The following VWF variants were observed in gnomAD, a reference collection of about 807,000 sequenced individuals.
VWF encodes Factor VIII related antigen.
In VWF, 176 loss-of-function variants were observed where a neutral mutation model predicts 308.6. That is an observed-to-expected ratio of 0.57 (90% CI 0.50 to 0.65). The LOEUF (loss-of-function observed/expected upper bound fraction) is 0.65, where lower values mean the gene tolerates loss of function less well. Among genes scored for constraint, VWF ranks in the 30% least tolerant of loss-of-function variants. VWF has a pLI of 0.00. For synonymous variants in VWF, 1,385 were observed against 1,443.4 expected (o/e 0.96, Z 0.92); for missense variants, 3,146 against 3,648.2 (o/e 0.86, Z 3.55).
chr12:5,969,487 G>A, intron 44 of VWF, 96 bp from the exon 45 acceptor site: 1 of 1,470,368 alleles, frequency 6.8e-7, no homozygotes, highest in South Asian at 1.2e-5. Context: ...GTGGTTTCTA[G>A]ACGTGAAGCC....
intron 47 of VWF, among the ~76,000 whole-genome samples, chr12:5,965,467 G>T (rs1033574423): frequency 6.6e-6 from 1 of 152,254 alleles, no homozygotes; most frequent in Non-Finnish European, 1.5e-5. Context: ...TCCACTCAGG[G>T]TTGCCCTCCT....
At chr12:5,975,068 G>A (rs1591838313) in intron 43 of VWF, among the ~76,000 whole-genome samples, 1 of 152,194 alleles carries the variant, frequency 6.6e-6, no homozygotes, top group East Asian at 1.9e-4. Context: ...CCAAAACTTA[G>A]TGTTTCCCAC....
chr12:5,954,353 A>G lies in VWF; in HGVS notation c.7888-759T>C, dbSNP rs79898556. Among the ~76,000 whole-genome samples the G allele has an allele frequency of 7.5e-3, 1,145 of 152,358 alleles. 14 individuals carry two copies. Among genetic ancestry groups the G allele is most frequent in the Middle Eastern group, 0.021 (6 of 292 alleles). On this transcript the variant is annotated intron_variant, in intron 47 of 51. Transcript: ENST00000261405. ...ACTAACCTTCCTGCAGATGATGATTATAAACAATTAACGAAATATTTAAAG... is the reference window on the plus strand; with the variant it reads ...ACTAACCTTCCTGCAGATGATGATTGTAAACAATTAACGAAATATTTAAAG...
chr12:6,095,181 G>A, intron 6 of VWF: 2 of 439,156 alleles, frequency 4.6e-6, no homozygotes, highest in Non-Finnish European at 4.2e-6. Flanking sequence ...AACTATAAAA[G>A]ATAATTTATG....
At chr12:5,976,358 T>C in intron 42 of VWF, 98 bp from the exon 43 acceptor site, 1 of 1,517,718 alleles carries the variant, frequency 6.6e-7, no homozygotes, top group South Asian at 1.1e-5. Flanking sequence ...GTGCTGAGAA[T>C]GTGGCAATAA....
chr12:6,104,803 T>C (rs1167278816), intron 5 of VWF, among the ~76,000 whole-genome samples: 1 of 152,134 alleles, frequency 6.6e-6, no homozygotes, highest in East Asian at 1.9e-4. Flanking sequence ...CCTGCACTAG[T>C]ATATTTATTG....
chr12:6,084,487 AAAG>A (rs1264743381), intron 6 of VWF, among the ~76,000 whole-genome samples: 2 of 152,162 alleles, frequency 1.3e-5, no homozygotes, highest in African/African-American at 4.8e-5. Context: ...CCAGTTCATT[AAAG>A]AAGACCAGGC....
chr12:6,059,704 C>T lies in VWF; in HGVS notation c.1534-1660G>A, dbSNP rs113825826. ...AAGGCCCCACCTCGTAACACCATCA[C>T]CTTGGGGGTTAGGATTTCAACATAT... is the stretch of plus-strand genomic sequence containing the variant. On this transcript the variant is annotated intron_variant, in intron 13 of 51. Coordinates refer to ENST00000261405, the MANE Select transcript of VWF (RefSeq NM_000552.5). Among the ~76,000 whole-genome samples the T allele has an allele frequency of 2.8e-3, 429 of 152,280 alleles. 5 individuals are homozygous for T. The highest frequency in any genetic ancestry group is 9.0e-3 in the African/African-American group (376 of 41,570).
intron 47 of VWF, among the ~76,000 whole-genome samples, chr12:5,954,910 A>G (rs763168357): frequency 2.6e-5 from 4 of 152,218 alleles, no homozygotes; most frequent in East Asian, 1.9e-4. Flanking sequence ...TCTCAGGACT[A>G]AAATATTCAG....
intron 38 of VWF, 33 bp from the exon 39 acceptor site, chr12:5,985,698 G>T: frequency 6.3e-7 from 1 of 1,595,500 alleles, no homozygotes; most frequent in Non-Finnish European, 8.6e-7. Context: ...AAAGGGCACA[G>T]GACATTCTAG....
intron 40 of VWF, among the ~76,000 whole-genome samples, chr12:5,983,696 TAGAG>T (rs1943638929): frequency 6.6e-6 from 1 of 151,658 alleles, no homozygotes; most frequent in Admixed American, 6.6e-5. Flanking sequence ...ATAGGTTAGA[TAGAG>T]ATAGGATAGA....
intron 18 of VWF, among the ~76,000 whole-genome samples, chr12:6,037,573 C>T (rs1037179460): frequency 6.6e-6 from 1 of 152,162 alleles, no homozygotes; most frequent in African/African-American, 2.4e-5. Context: ...TCAGCCAAAC[C>T]CACTCTGAGC....
rs1944053246 is a variant in VWF at position 6,016,098 on chromosome 12, T to C, written c.5446A>G (p.Arg1816Gly). The C allele has an allele frequency of 6.2e-7, 1 of 1,614,044 alleles. No individual in the cohort carries two copies. Among genetic ancestry groups the C allele is most frequent in the Non-Finnish European group, 8.5e-7 (1 of 1,180,010 alleles). ...DSVDAAADAA[R>G]SNRVTVFPIG... Reference sequence around the variant, plus strand: ...TACACCAGATTCTTACTGTTGGACCTGGCGGCATCAGCTGCTGCATCCACT... The same window carrying C: ...TACACCAGATTCTTACTGTTGGACCCGGCGGCATCAGCTGCTGCATCCACT... The change falls in exon 31 of 52, where the codon AGG (arginine) becomes GGG (glycine). Residue 1816 changes from arginine to glycine, a missense_variant. Arg to Gly is a moderately radical substitution (Grantham distance 125). This residue lies in a region of VWF where 853 missense variants were observed against 1,177.8 expected (regional missense o/e 0.72). Coordinates refer to ENST00000261405, the MANE Select transcript of VWF (RefSeq NM_000552.5).
At chr12:5,987,536 T>C (rs980425709) in intron 38 of VWF, among the ~76,000 whole-genome samples, 4 of 152,326 alleles carry the variant, frequency 2.6e-5, no homozygotes, top group African/African-American at 9.6e-5. Flanking sequence ...TGGGCAGGTC[T>C]GAACACACCA....
At chr12:5,981,605 G>A (rs983986204) in intron 42 of VWF, among the ~76,000 whole-genome samples, 181 bp downstream of exon 42, 2 of 152,134 alleles carry the variant, frequency 1.3e-5, no homozygotes, top group Non-Finnish European at 2.9e-5. Context: ...GTAGCACTTG[G>A]TTTGGGCAAG....
At chr12:5,981,135 C>A (rs189378700) in intron 42 of VWF, among the ~76,000 whole-genome samples, 2 of 152,334 alleles carry the variant, frequency 1.3e-5, no homozygotes, top group Non-Finnish European at 2.9e-5. Flanking sequence ...TCTGTTAGAA[C>A]ATAGTAGTTG....
intron 37 of VWF, among the ~76,000 whole-genome samples, chr12:5,993,419 C>T (rs1843712373): frequency 6.6e-6 from 1 of 152,114 alleles, no homozygotes; most frequent in African/African-American, 2.4e-5. Context: ...AAATCCTGCT[C>T]AGGCATGGAC....
chr12:5,969,500 G>A, intron 44 of VWF, 109 bp from the exon 45 acceptor site: 2 of 1,346,580 alleles, frequency 1.5e-6, no homozygotes, highest in East Asian at 2.3e-5. Context: ...GTGAAGCCTG[G>A]CTTAACATGT....
intron 3 of VWF, among the ~76,000 whole-genome samples, chr12:6,114,483 G>A (rs779673743): frequency 2.0e-5 from 3 of 152,228 alleles, no homozygotes; most frequent in Non-Finnish European, 4.4e-5. Context: ...TCAAACAGGA[G>A]AGAACCAGGA....
Sources: gnomAD v4.1 joint callset for allele counts (sites outside exome capture counted in the v4.1 genomes callset) on GRCh38, gnomAD v4.1.1 for gene constraint, gnomAD v4.1.1 regional missense constraint, MANE v1.5 for transcripts, NCBI Gene and HGNC (gene_info 2026-07-23, HGNC 2026-07-21) for gene names.